Variants in DDX60L observed in about 807,000 individuals in gnomAD.
The protein encoded by DDX60L is probable ATP-dependent RNA helicase DDX60-like.
A neutral mutation model predicts 211.6 loss-of-function variants in DDX60L; 191 were observed. The ratio of observed to expected loss-of-function variants is 0.90; its 90% CI spans 0.80 to 1.02. DDX60L has a LOEUF of 1.02. Ranked by LOEUF, DDX60L falls within the 50% of genes least tolerant of loss-of-function variation. DDX60L has a pLI of 0.00. For missense variants in DDX60L, 2,007 were observed against 1,984.1 expected (o/e 1.01, Z -0.22); for synonymous variants, 706 against 694.1 (o/e 1.02, Z -0.27).
intron 7 of DDX60L, among the ~76,000 whole-genome samples, chr4:168,455,156 T>C (rs144011349): frequency 2.7e-3 from 404 of 152,080 alleles, no homozygotes; most frequent in African/African-American, 9.2e-3. Flanking sequence ...CCCTGTACAG[T>C]CACATTATTT....
At chr4:168,466,685 CA>C (rs1420458973) in intron 4 of DDX60L, among the ~76,000 whole-genome samples, 1 of 152,206 alleles carries the variant, frequency 6.6e-6, no homozygotes, top group East Asian at 1.9e-4. Context: ...TTGTCACTAG[CA>C]GCTAGCCAAA....
intron 7 of DDX60L, among the ~76,000 whole-genome samples, chr4:168,455,721 G>GT (rs1182352295): frequency 2.6e-5 from 4 of 152,054 alleles, no homozygotes; most frequent in African/African-American, 7.2e-5. Context: ...CACTTTCTCT[G>GT]TTTTTTAGAA....
chr4:168,457,054 T>A (rs1368258635), intron 6 of DDX60L, among the ~76,000 whole-genome samples: 1 of 151,374 alleles, frequency 6.6e-6, no homozygotes, highest in Non-Finnish European at 1.5e-5. Flanking sequence ...CTATATAAAA[T>A]AAAAATTAAA....
At chr4:168,417,948 C>T (rs1324890192) in intron 19 of DDX60L, among the ~76,000 whole-genome samples, 1 of 152,150 alleles carries the variant, frequency 6.6e-6, no homozygotes, top group East Asian at 1.9e-4. Context: ...TTACCAAATG[C>T]TAATCTTATA....
intron 28 of DDX60L, 82 bp downstream of exon 28, chr4:168,394,383 G>T: frequency 9.0e-7 from 1 of 1,115,744 alleles, no homozygotes; most frequent in Non-Finnish European, 1.2e-6. Context: ...AAAACCAACT[G>T]GTATAATTTT....
intron 30 of DDX60L, chr4:168,380,161 C>A (rs1742684283): frequency 5.0e-6 from 1 of 199,134 alleles, no homozygotes; most frequent in Non-Finnish European, 1.0e-5. Context: ...TGTCTTAGGC[C>A]ATTCTAAAGG....
At chr4:168,414,973 A>G (rs1232892869) in intron 22 of DDX60L, among the ~76,000 whole-genome samples, 4 of 151,610 alleles carry the variant, frequency 2.6e-5, no homozygotes, top group Admixed American at 2.0e-4. Context: ...GCTAACAGTA[A>G]TTTATTGTAT....
rs115873308 is a variant in DDX60L, at chr4:168,415,403, C to T, written c.2979+5G>A. On this transcript the variant is annotated splice_donor_5th_base_variant and intron_variant, in intron 22 of 37. Coordinates refer to ENST00000682922, the MANE Select transcript of DDX60L (RefSeq NM_001012967.3). ...CTAACAGGACAAATACACTTTTATA[C>T]TTACAATATCTGTCGTTAGCGCAGC... is the stretch of plus-strand genomic sequence containing the variant. The T allele has an allele frequency of 3.8e-4, 600 of 1,584,454 alleles. 3 individuals carry two copies. In the African/African-American group the frequency reaches 6.8e-3, roughly 18 times the overall value.
At position 168,448,716 on chromosome 4, in the gene DDX60L, A is replaced by C. The variant is rs762114042; in HGVS notation, c.1060T>G (p.Leu354Val). 3.7e-6 allele frequency: 6 copies of C among 1,605,832 alleles called. No homozygotes were observed. In the African/African-American group the frequency reaches 6.7e-5, roughly 18 times the overall value. ...TCATACAAGTCAGAAACATGATTTAAATTCAGATTCCAGCATCCAAAAACG... is the reference window on the plus strand; with the variant it reads ...TCATACAAGTCAGAAACATGATTTACATTCAGATTCCAGCATCCAAAAACG... The part of the protein sequence containing the change: ...LNVFGCWNLN[L>V]NHVSDLYDEQ... Residue 354 changes from leucine to valine, a missense_variant, in exon 9 of 38, where the codon TTA becomes GTA. Transcript: ENST00000682922.
At chr4:168,382,592 T>C (rs28550522) in intron 30 of DDX60L, among the ~76,000 whole-genome samples, 4,889 of 152,240 alleles carry the variant, frequency 0.032, 268 homozygotes, top group African/African-American at 0.11. Context: ...ATTTCACTTA[T>C]AATTCTTCTA....
Position 168,422,509 on chromosome 4 carries a change from G to A in DDX60L, c.2244+15C>T. The stretch of plus-strand genomic sequence containing the variant: ...GTCACACTGATTAGAAAAGTACAAT[G>A]TTTGTTGTCATTACCTGCCATGCGT... On this transcript the variant is annotated intron_variant, in intron 16 of 37. Coordinates refer to ENST00000682922, the MANE Select transcript of DDX60L (RefSeq NM_001012967.3). The A allele has an allele frequency of 6.2e-7, 1 of 1,603,718 alleles. No homozygotes were observed. The highest frequency in any genetic ancestry group is 1.7e-5 in the Admixed American group (1 of 57,838).
intron 5 of DDX60L, 31 bp from the exon 6 acceptor site, chr4:168,458,039 C>T: frequency 7.7e-7 from 1 of 1,291,440 alleles, no homozygotes; most frequent in Non-Finnish European, 1.1e-6. Flanking sequence ...TATAAAATAT[C>T]TTAAATAAAG....
chr4:168,381,775 A>C (rs543512031), intron 30 of DDX60L, among the ~76,000 whole-genome samples: 146 of 152,276 alleles, frequency 9.6e-4, no homozygotes, highest in South Asian at 2.9e-3. Context: ...CTGAAGACTA[A>C]TGGCTCAAAT....
At chr4:168,416,849 A>G in intron 19 of DDX60L, 52 bp from the exon 20 acceptor site, 2 of 1,018,726 alleles carry the variant, frequency 2.0e-6, no homozygotes, top group Non-Finnish European at 2.9e-6. Context: ...ATCGTAAATA[A>G]AAAATAGAAG....
chr4:168,453,840 AAGG>A (rs1296847103), intron 7 of DDX60L, among the ~76,000 whole-genome samples: 2 of 152,214 alleles, frequency 1.3e-5, no homozygotes, highest in East Asian at 3.8e-4. Context: ...CTGAAATTAC[AAGG>A]AGATTGATTT....
intron 9 of DDX60L, among the ~76,000 whole-genome samples, chr4:168,448,042 G>C (rs1211085545): frequency 6.6e-6 from 1 of 151,848 alleles, no homozygotes; most frequent in African/African-American, 2.4e-5. Context: ...AAAAAAAGGA[G>C]TTTACAGAAT....
At chr4:168,416,941 T>C (rs1749672500) in intron 19 of DDX60L, 144 bp from the exon 20 acceptor site, 2 of 490,976 alleles carry the variant, frequency 4.1e-6, no homozygotes, top group Non-Finnish European at 7.2e-6. Flanking sequence ...ATTCAGACAA[T>C]AGACATCATG....
At chr4:168,438,557 G>A (rs1005458061) in intron 10 of DDX60L, among the ~76,000 whole-genome samples, 1 of 152,178 alleles carries the variant, frequency 6.6e-6, no homozygotes, top group Non-Finnish European at 1.5e-5. Context: ...TAACAGTTTG[G>A]TTTTTAATTC....
Position 168,358,290 on chromosome 4 carries a change from A to C in DDX60L, c.4992-14T>G. 1 of 1,452,382 alleles carries C rather than the reference A, an allele frequency of 6.9e-7. No homozygotes were observed. Among genetic ancestry groups the C allele is most frequent in the Non-Finnish European group, 9.1e-7 (1 of 1,098,458 alleles). The allele number at this position is 1,452,382 out of a possible 1,614,324, so 90.0% of individuals were successfully genotyped here. A position where few individuals can be genotyped will look rare whatever the true frequency, so the allele number is the denominator to read the frequency against. On this transcript the variant is annotated splice_polypyrimidine_tract_variant and intron_variant, in intron 37 of 37. Transcript: ENST00000682922. ...CTCAAGGAGTCACTGTATAAATGAT[A>C]ATAATAATAAAAAAATAATGAGCCC...
Sources: gnomAD v4.1 joint callset for allele counts (sites outside exome capture counted in the v4.1 genomes callset) on GRCh38, gnomAD v4.1.1 for gene constraint, MANE v1.5 for transcripts, NCBI Gene and HGNC (gene_info 2026-07-23, HGNC 2026-07-21) for gene names.